PDXDC1: variants seen among roughly 807,000 people sequenced by gnomAD.
PDXDC1 encodes the protein pyridoxal-dependent decarboxylase domain-containing protein 1.
Under a neutral mutation model 100.1 loss-of-function variants are expected in PDXDC1, and 42 were observed. That is an observed-to-expected ratio of 0.42 (90% CI 0.33 to 0.54). The LOEUF (loss-of-function observed/expected upper bound fraction) is 0.54, where lower values mean the gene tolerates loss of function less well. PDXDC1 is among the 20% of genes least tolerant of loss of function. The pLI, the probability that PDXDC1 is intolerant of heterozygous loss-of-function variation, is 0.10. For missense variants in PDXDC1, 636 were observed against 979.2 expected, an observed-to-expected ratio of 0.65 and a Z score of 4.68; for synonymous variants, 260 against 371.7, an observed-to-expected ratio of 0.70 and a Z score of 3.46.
chr16:15,049,460 G>A (rs965552216), intron 16 of PDXDC1, among the ~76,000 whole-genome samples: 2 of 148,400 alleles, frequency 1.3e-5, no homozygotes, highest in Admixed American at 6.8e-5. Flanking sequence ...ACAGAGTCTC[G>A]CTCTGTTGCC....
At chr16:15,058,659 G>A (rs1252283982) in intron 16 of PDXDC1, among the ~76,000 whole-genome samples, 3 of 152,004 alleles carry the variant, frequency 2.0e-5, no homozygotes, top group Non-Finnish European at 2.9e-5. Flanking sequence ...CCCAGGAGGC[G>A]GAGGTTGCAG....
At chr16:15,022,092 TGATTA>T (rs1188255348) in intron 12 of PDXDC1, among the ~76,000 whole-genome samples, 3 of 152,300 alleles carry the variant, frequency 2.0e-5, no homozygotes, top group Non-Finnish European at 2.9e-5. Context: ...GAGTTAGATA[TGATTA>T]GTGATGAGGG....
In PDXDC1 at chr16:15,028,938, G is replaced by A. The variant is rs1426489655; in HGVS notation, c.1265G>A (p.Arg422Lys). 4 of 1,613,514 alleles carry A rather than the reference G, an allele frequency of 2.5e-6. No homozygotes were observed. The highest frequency in any genetic ancestry group is 4.5e-5 in the East Asian group (2 of 44,898). The change falls in exon 15 of 23, where the codon AGG (arginine) becomes AAG (lysine). Residue 422 changes from arginine (R) to lysine (K), a missense_variant. By Grantham distance (26) the Arg-to-Lys change is conservative. This residue lies in a region of PDXDC1 where 44 missense variants were observed against 46.9 expected (regional missense o/e 0.94). Transcript: ENST00000396410. Reference protein sequence around the residue: ...NMTPSGVGRERHSCDALNRWL... With the variant: ...NMTPSGVGREKHSCDALNRWL... ...ACACCTTCAGGAGTCGGCCGGGAGA[G>A]GCACTCGTGTGACGCGCTGAATCGC... is the stretch of plus-strand genomic sequence containing the variant.
intron 12 of PDXDC1, among the ~76,000 whole-genome samples, chr16:15,022,246 A>T (rs2151546986): frequency 6.6e-6 from 1 of 152,410 alleles, no homozygotes; most frequent in South Asian, 2.1e-4. Context: ...TAATTGAGGG[A>T]ACTGAAGCAT....
At chr16:15,063,112 G>A (rs958310450) in intron 16 of PDXDC1, 9 of 1,038,844 alleles carry the variant, frequency 8.7e-6, no homozygotes, top group Middle Eastern at 2.5e-4. Flanking sequence ...TTACACGCAC[G>A]AACGACTTGC....
At chr16:15,131,369 A>T in intron 16 of PDXDC1, 2 of 1,586,370 alleles carry the variant, frequency 1.3e-6, no homozygotes, top group Admixed American at 3.3e-5. Context: ...CCAAAGGGAA[A>T]GGGATTGGAG....
At chr16:15,061,697 G>A (rs1281522706) in intron 16 of PDXDC1, 18 of 1,574,440 alleles carry the variant, frequency 1.1e-5, no homozygotes, top group Non-Finnish European at 1.6e-5. Context: ...GGCATGACAA[G>A]TGATGGGGAA....
chr16:15,073,034 T>A (rs2941256), intron 16 of PDXDC1: 1 of 1,613,126 alleles, frequency 6.2e-7, no homozygotes, highest in Admixed American at 1.7e-5. Context: ...CAAAGATGTT[T>A]ATCAGGTCGC....
intron 16 of PDXDC1, among the ~76,000 whole-genome samples, chr16:15,136,334 G>A (rs1031945933): frequency 3.3e-5 from 5 of 152,142 alleles, no homozygotes; most frequent in Non-Finnish European, 5.9e-5. Flanking sequence ...GGATCCCCGC[G>A]CAGGCCACCT....
At chr16:15,031,318 C>G (rs2043052790) in intron 16 of PDXDC1, among the ~76,000 whole-genome samples, 1 of 152,076 alleles carries the variant, frequency 6.6e-6, no homozygotes. Context: ...GGCGCTGTCA[C>G]CATCTCCCTG....
At chr16:15,146,647 C>A in the PDXDC1 span, among the ~76,000 whole-genome samples, 17 of 152,144 alleles carry the variant, frequency 1.1e-4, no homozygotes, top group Non-Finnish European at 2.2e-4. Flanking sequence ...CCCGCCCAGG[C>A]TGCACTGGCT....
In PDXDC1 at chr16:15,130,719, T is replaced by C. The variant is rs189177513; in HGVS notation, c.1400-8160T>C. 7,502 of 1,497,068 alleles carry C rather than the reference T, an allele frequency of 5.0e-3. 360 individuals carry two copies. The Admixed American group carries it at 0.065, about 13-fold the overall frequency. 92.7% of individuals were successfully genotyped at this position (1,497,068 alleles called of 1,614,324 possible). A position where few individuals can be genotyped will look rare whatever the true frequency, so the allele number is the denominator to read the frequency against. ...GATCCTCCTGCTAGCCGAGCAGTTG[T>C]GCTCATTGGGCCGGGGCTCCGAGTG... On this transcript the variant is annotated intron_variant, in intron 16 of 16. Transcript: ENST00000535621.
rs777733686 is a variant in PDXDC1 at position 15,131,170 on chromosome 16, G to C, written c.1400-7709G>C. 14 of 1,588,930 alleles carry C rather than the reference G, an allele frequency of 8.8e-6. No individual in the cohort carries two copies. The Admixed American group carries it at 1.0e-4, about 11-fold the overall frequency. ...CAGGGTGACCACAGCACCGACGGAG[G>C]CCTGGGGCTGGACCACAACGGAGTT... On this transcript the variant is annotated intron_variant, in intron 16 of 16. Transcript: ENST00000535621.
chr16:14,979,537 G>A (rs1193035367), intron 1 of PDXDC1, among the ~76,000 whole-genome samples: 29 of 152,252 alleles, frequency 1.9e-4, no homozygotes, highest in Admixed American at 7.9e-4. Flanking sequence ...TGATCCACCC[G>A]CCTCGGCCTC....
intron 8 of PDXDC1, among the ~76,000 whole-genome samples, chr16:15,011,631 C>CTTTTTTTTTTTTTTTTTTTTTTTTTT: frequency 2.6e-3 from 336 of 131,184 alleles, no homozygotes; most frequent in Non-Finnish European, 3.3e-3. Context: ...ACATTTTTTT[C>CTTTTTTTTTTTTTTTTTTTTTTTTTT]TTTTTTTTTT....
At chr16:15,085,782 A>C in intron 16 of PDXDC1, 1 of 1,557,760 alleles carries the variant, frequency 6.4e-7, no homozygotes, top group Non-Finnish European at 8.7e-7. Context: ...TGACCTAGAC[A>C]ATGAACAGCT....
intron 8 of PDXDC1, among the ~76,000 whole-genome samples, chr16:15,014,163 C>T (rs753648658): frequency 9.2e-5 from 14 of 151,830 alleles, no homozygotes; most frequent in African/African-American, 2.9e-4. Flanking sequence ...GCCGAGATTG[C>T]GCTGCTGCAC....
At chr16:15,129,154 T>C (rs1438096856) in intron 16 of PDXDC1, among the ~76,000 whole-genome samples, 3 of 151,570 alleles carry the variant, frequency 2.0e-5, no homozygotes, top group Non-Finnish European at 2.9e-5. Context: ...GAAATGAAGA[T>C]AAAAGCAGCA....
At chr16:15,099,501 A>G (rs2046470393) in intron 16 of PDXDC1, among the ~76,000 whole-genome samples, 1 of 151,522 alleles carries the variant, frequency 6.6e-6, no homozygotes, top group Non-Finnish European at 1.5e-5. Context: ...TTCTTTGACC[A>G]TGTCCGTTCT....
Sources: allele counts gnomAD v4.1 joint callset (sites outside exome capture counted in the v4.1 genomes callset), GRCh38; gene constraint gnomAD v4.1.1; regional missense constraint gnomAD v4.1.1; transcripts MANE v1.5; gene names NCBI Gene and HGNC (gene_info 2026-07-23, HGNC 2026-07-21).